Variants in SLC26A2 observed in about 807,000 individuals in gnomAD.
SLC26A2 encodes solute carrier family 26 member 2.
SLC26A2 carries 36 observed loss-of-function variants against 41.1 expected under a neutral mutation model. That is an observed-to-expected ratio of 0.88 (90% CI 0.67 to 1.16). The LOEUF is 1.16. SLC26A2 is among the 50% of genes most tolerant of loss of function. The probability of loss-of-function intolerance (pLI) is 0.00; values close to 1 mark genes in which losing one functional copy is unlikely to be tolerated. For synonymous variants in SLC26A2, 291 were observed against 311.6 expected (o/e 0.93, Z 0.70); for missense variants, 796 against 869.6 (o/e 0.92, Z 1.07).
chr5:149,974,082 G>T (rs532424205), intron 1 of SLC26A2, among the ~76,000 whole-genome samples: 2 of 152,158 alleles, frequency 1.3e-5, no homozygotes, highest in Non-Finnish European at 2.9e-5. Context: ...CCAGGAGTTC[G>T]AGGCCATGGT....
At position 149,986,512 on chromosome 5, in the gene SLC26A2, T is replaced by C. The variant is rs1405448691; in HGVS notation, c.*4699T>C. The C allele has an allele frequency of 1.3e-5, 2 of 152,202 alleles. No individual in the cohort carries two copies. Among genetic ancestry groups the C allele is most frequent in the Non-Finnish European group, 2.9e-5 (2 of 68,026 alleles). 9.4% of individuals were successfully genotyped at this position (152,202 alleles called of 1,614,324 possible). ...ATGTCAGAGGTGGGGAGATTTATTT[T>C]TATAAGGTAATTTTTATCCTGATAA... is the stretch of plus-strand genomic sequence containing the variant. On this transcript the variant is annotated 3_prime_UTR_variant, in exon 3 of 3. Coordinates refer to ENST00000286298, the MANE Select transcript of SLC26A2 (RefSeq NM_000112.4).
chr5:149,972,206 T>C (rs1354265622), intron 1 of SLC26A2, among the ~76,000 whole-genome samples: 1 of 152,240 alleles, frequency 6.6e-6, no homozygotes, highest in Non-Finnish European at 1.5e-5. Context: ...CCTGCTTAGA[T>C]GCCATAATCA....
At chr5:149,962,440 G>C (rs1030729084) in intron 1 of SLC26A2, among the ~76,000 whole-genome samples, 6 of 151,926 alleles carry the variant, frequency 3.9e-5, no homozygotes, top group Admixed American at 3.3e-4. Context: ...GTGGGTTCAA[G>C]CAAACCTTCC....
chr5:149,967,753 TA>T (rs1283201426), intron 1 of SLC26A2, among the ~76,000 whole-genome samples: 4 of 152,022 alleles, frequency 2.6e-5, no homozygotes, highest in Non-Finnish European at 2.9e-5. Context: ...TCTCTGTGTA[TA>T]TATATATTTT....
intron 2 of SLC26A2, 45 bp downstream of exon 2, chr5:149,978,396 A>G (rs1755035721): frequency 2.2e-6 from 3 of 1,367,374 alleles, no homozygotes; most frequent in Non-Finnish European, 3.1e-6. Flanking sequence ...AAAGTAATCT[A>G]GTACATGAAA....
intron 1 of SLC26A2, among the ~76,000 whole-genome samples, chr5:149,965,554 T>G (rs936475530): frequency 2.6e-5 from 4 of 151,674 alleles, no homozygotes; most frequent in African/African-American, 7.2e-5. Context: ...CTAGTCTAGT[T>G]TATTTTTATT....
chr5:149,974,758 T>G (rs1451219083), intron 1 of SLC26A2, among the ~76,000 whole-genome samples: 1 of 121,188 alleles, frequency 8.3e-6, no homozygotes, highest in African/African-American at 3.3e-5. Flanking sequence ...GGAGTTTTCC[T>G]CTTGCTGTCC....
Position 149,982,015 on chromosome 5 carries a change from T to G in SLC26A2, c.*202T>G. ...CTGGACAGAGTCAAAAAGAAGAAAA[T>G]ACGGTTTCAGGCTTTCTTGCAGATA... On this transcript the variant is annotated 3_prime_UTR_variant, in exon 3 of 3. Transcript: ENST00000286298. The G allele has an allele frequency of 3.5e-6, 2 of 578,600 alleles. No homozygotes were observed. The highest frequency in any genetic ancestry group is 4.3e-5 in the South Asian group (2 of 46,040). The allele number at this position is 578,600 out of a possible 1,614,324, so 35.8% of individuals were successfully genotyped here. A position where few individuals can be genotyped will look rare whatever the true frequency, so the allele number is the denominator to read the frequency against.
intron 1 of SLC26A2, chr5:149,962,049 C>T (rs1424595919): frequency 6.6e-6 from 1 of 152,192 alleles, no homozygotes; most frequent in Non-Finnish European, 1.5e-5. Flanking sequence ...CATATGACTG[C>T]TGAGCAGTAT....
At position 149,981,680 on chromosome 5, in the gene SLC26A2, A is replaced by G. The variant is rs34351171; in HGVS notation, c.2087A>G (p.Asn696Ser). 603 of 1,612,880 alleles carry G rather than the reference A, an allele frequency of 3.7e-4. 1 individual carries two copies. In the African/African-American group the frequency reaches 7.4e-3, roughly 20 times the overall value. The change falls in exon 3 of 3, where the codon AAC (asparagine) becomes AGC (serine). Residue 696 changes from asparagine to serine, a missense_variant. Asn to Ser is a conservative substitution (Grantham distance 46). Coordinates refer to ENST00000286298, the MANE Select transcript of SLC26A2 (RefSeq NM_000112.4). ...CNPTVRDSLT[N>S]GEYCKKEEEN... is the part of the protein sequence containing the mutation. ...CCCACTGTGAGGGATTCCCTAACCA[A>G]CGGAGAATATTGCAAAAAGGAAGAA...
At chr5:149,963,098 T>A (rs1347983926) in intron 1 of SLC26A2, among the ~76,000 whole-genome samples, 3 of 151,052 alleles carry the variant, frequency 2.0e-5, no homozygotes, top group African/African-American at 4.9e-5. Flanking sequence ...ATTTATTTAT[T>A]TATTTATTTA....
intron 1 of SLC26A2, among the ~76,000 whole-genome samples, chr5:149,969,693 T>G (rs547609558): frequency 6.6e-6 from 1 of 152,344 alleles, no homozygotes; most frequent in East Asian, 1.9e-4. Context: ...CGTGACTTCT[T>G]GGAATTGCAT....
intron 1 of SLC26A2, chr5:149,961,936 G>C (rs1416648762): frequency 6.6e-6 from 1 of 152,216 alleles, no homozygotes; most frequent in Non-Finnish European, 1.5e-5. Context: ...CACTGTGGTA[G>C]GTAGTTGTGT....
At chr5:149,964,293 A>G (rs1020048933) in intron 1 of SLC26A2, among the ~76,000 whole-genome samples, 1 of 152,104 alleles carries the variant, frequency 6.6e-6, no homozygotes, top group Non-Finnish European at 1.5e-5. Flanking sequence ...GGAGTTCAAG[A>G]CCAGCCTGGA....
rs1208395813 is a variant in SLC26A2 at position 149,980,840 on chromosome 5, A to G, written c.1247A>G (p.Gln416Arg). 2 of 1,614,162 alleles carry G rather than the reference A, an allele frequency of 1.2e-6. No homozygotes were observed. The highest frequency in any genetic ancestry group is 2.2e-5 in the South Asian group (2 of 91,076). ...KKHGYTVKAN[Q>R]EMYAIGFCNI... ...CATGGTTACACAGTCAAAGCAAACC[A>G]GGAAATGTATGCCATTGGCTTTTGT... Residue 416 changes from glutamine (Q) to arginine (R), a missense_variant, in exon 3 of 3, where the codon CAG becomes CGG. Physicochemically the swap from Gln to Arg is conservative, Grantham distance 43. Coordinates refer to ENST00000286298, the MANE Select transcript of SLC26A2 (RefSeq NM_000112.4).
At chr5:149,966,322 CTG>C (rs1383361755) in intron 1 of SLC26A2, among the ~76,000 whole-genome samples, 2 of 152,228 alleles carry the variant, frequency 1.3e-5, no homozygotes, top group African/African-American at 4.8e-5. Flanking sequence ...TTAGTTTGAA[CTG>C]TCTCATGGTT....
At position 149,978,362 on chromosome 5, in the gene SLC26A2, A is replaced by G. The variant is rs771877069; in HGVS notation, c.699+11A>G. The G allele has an allele frequency of 1.9e-6, 3 of 1,595,618 alleles. No individual in the cohort carries two copies. The highest frequency in any genetic ancestry group is 2.6e-6 in the Non-Finnish European group (3 of 1,167,194). ...GCTGGAGTTTATCAGGTAAGCAGCA[A>G]TGAAACAATTGGTTATTTCTAGAAA... On this transcript the variant is annotated intron_variant, in intron 2 of 2. Transcript: ENST00000286298.
At chr5:149,970,861 TA>T (rs1298030308) in intron 1 of SLC26A2, among the ~76,000 whole-genome samples, 3 of 152,152 alleles carry the variant, frequency 2.0e-5, no homozygotes, top group Non-Finnish European at 4.4e-5. Context: ...GAGCATGGCA[TA>T]GGGGAAAGAA....
At chr5:149,964,453 G>T (rs1208007989) in intron 1 of SLC26A2, among the ~76,000 whole-genome samples, 1 of 152,066 alleles carries the variant, frequency 6.6e-6, no homozygotes, top group African/African-American at 2.4e-5. Context: ...CTCCAGCCTG[G>T]GTAACAGAGT....
Sources: allele counts gnomAD v4.1 joint callset (sites outside exome capture counted in the v4.1 genomes callset), GRCh38; gene constraint gnomAD v4.1.1; transcripts MANE v1.5; gene names NCBI Gene and HGNC (gene_info 2026-07-23, HGNC 2026-07-21).